STARD13: variants seen among roughly 807,000 people sequenced by gnomAD.
STARD13 encodes stAR-related lipid transfer protein 13.
STARD13 carries 62 observed loss-of-function variants against 106.4 expected under a neutral mutation model. That is an observed-to-expected ratio of 0.58 (90% CI 0.48 to 0.72). The LOEUF is 0.72. Ranked by LOEUF, STARD13 falls within the 30% of genes least tolerant of loss-of-function variation. The pLI is 0.00. For synonymous variants in STARD13, 565 were observed against 553.0 expected (o/e 1.02, Z -0.31); for missense variants, 1,387 against 1,424.0 (o/e 0.97, Z 0.42).
the STARD13 span, among the ~76,000 whole-genome samples, chr13:33,639,756 C>T: frequency 6.6e-6 from 1 of 152,238 alleles, no homozygotes; most frequent in Non-Finnish European, 1.5e-5. Flanking sequence ...AAAAGCCAAA[C>T]TGTAATCAAC....
chr13:33,543,986 A>G, the STARD13 span, among the ~76,000 whole-genome samples: 1 of 152,254 alleles, frequency 6.6e-6, no homozygotes, highest in Non-Finnish European at 1.5e-5. Context: ...AGAGAGCTAC[A>G]TAAATGTTCA....
At position 33,112,949 on chromosome 13, in the gene STARD13, C is replaced by T. The variant is rs370930866; in HGVS notation, c.2282-18G>A. 1.9e-6 allele frequency: 3 copies of T among 1,584,962 alleles called. No individual in the cohort carries two copies. The African/African-American group carries it at 4.1e-5, about 21-fold the overall frequency. On this transcript the variant is annotated intron_variant, in intron 8 of 13. Coordinates refer to ENST00000336934, the MANE Select transcript of STARD13 (RefSeq NM_178006.4). ...GGAGACATCTGAGGAAAAGTGGATG[C>T]CAGGTCATTGGAGGAGCAGACATAG...
chr13:33,463,626 C>T, the STARD13 span, among the ~76,000 whole-genome samples: 1 of 152,204 alleles, frequency 6.6e-6, no homozygotes, highest in Non-Finnish European at 1.5e-5. Context: ...CTATATAGAA[C>T]TCACTAGGGT....
the STARD13 span, among the ~76,000 whole-genome samples, chr13:33,409,899 T>C: frequency 2.6e-5 from 4 of 152,260 alleles, no homozygotes; most frequent in Non-Finnish European, 4.4e-5. Context: ...CTTTATGTTA[T>C]ACACAAATGT....
chr13:33,308,157 A>C (rs1892981685), intron 1 of STARD13, among the ~76,000 whole-genome samples: 1 of 152,238 alleles, frequency 6.6e-6, no homozygotes, highest in Non-Finnish European at 1.5e-5. Context: ...CAATTAAATC[A>C]TGGCTATCTC....
At chr13:33,116,917 C>G (rs990525290) in intron 8 of STARD13, among the ~76,000 whole-genome samples, 1 of 152,178 alleles carries the variant, frequency 6.6e-6, no homozygotes, top group African/African-American at 2.4e-5. Flanking sequence ...ATACAGAATT[C>G]TCTATAGCAT....
chr13:33,389,218 A>G, the STARD13 span, among the ~76,000 whole-genome samples: 1 of 151,974 alleles, frequency 6.6e-6, no homozygotes, highest in Non-Finnish European at 1.5e-5. Context: ...TTGGCCTCCC[A>G]AAGTGCTGGG....
intron 6 of STARD13, 46 bp from the exon 7 acceptor site, chr13:33,126,286 T>C (rs776849901): frequency 6.3e-7 from 1 of 1,595,122 alleles, no homozygotes; most frequent in Non-Finnish European, 8.6e-7. Context: ...TGGGTCACAC[T>C]GTGGGGTGAG....
At chr13:33,204,451 C>T (rs548622275) in intron 1 of STARD13, among the ~76,000 whole-genome samples, 6 of 152,234 alleles carry the variant, frequency 3.9e-5, no homozygotes, top group South Asian at 4.1e-4. Flanking sequence ...AAAGACAGTA[C>T]GACAAAATCT....
chr13:33,457,105 A>C, the STARD13 span, among the ~76,000 whole-genome samples: 1 of 152,230 alleles, frequency 6.6e-6, no homozygotes, highest in Admixed American at 6.5e-5. Context: ...TTTTAGGCTC[A>C]TGTTATTCCT....
intron 7 of STARD13, among the ~76,000 whole-genome samples, chr13:33,119,618 C>T (rs866637080): frequency 6.6e-5 from 10 of 152,068 alleles, no homozygotes; most frequent in East Asian, 1.9e-4. Flanking sequence ...ATATGTCAGC[C>T]GAATGGATCA....
chr13:33,469,271 CAACCCAGGA>C, the STARD13 span, among the ~76,000 whole-genome samples: 1 of 152,110 alleles, frequency 6.6e-6, no homozygotes, highest in East Asian at 1.9e-4. Context: ...AAGCAGCATC[CAACCCAGGA>C]TTACCTGATT....
At chr13:33,455,815 G>T in the STARD13 span, among the ~76,000 whole-genome samples, 2 of 151,950 alleles carry the variant, frequency 1.3e-5, no homozygotes, top group Admixed American at 1.3e-4. Context: ...ATGGTGGCGT[G>T]CATCTGTAGT....
chr13:33,580,882 C>G, the STARD13 span, among the ~76,000 whole-genome samples: 25 of 152,124 alleles, frequency 1.6e-4, no homozygotes, highest in African/African-American at 4.8e-4. Context: ...AAAAAAGTAT[C>G]AAAACTGTAA....
chr13:33,654,571 T>C, the STARD13 span: 17 of 152,206 alleles, frequency 1.1e-4, no homozygotes, highest in African/African-American at 3.6e-4. Flanking sequence ...GTTGGGAATA[T>C]ACTGAAACTA....
rs151132470 is a variant in STARD13 at position 33,110,917 on chromosome 13, C to T, written c.2608-10G>A. The T allele has an allele frequency of 3.7e-5, 60 of 1,610,088 alleles. No individual in the cohort carries two copies. The highest frequency in any genetic ancestry group is 1.5e-4 in the Admixed American group (9 of 60,022). On this transcript the variant is annotated splice_polypyrimidine_tract_variant and intron_variant, in intron 10 of 13. Transcript: ENST00000336934. ...CCAACTCGTGTGGAACCTAGACCAA[C>T]GGATGCATGAAAGGGCAACACACTG...
At chr13:33,309,805 G>A (rs1326552965) in intron 1 of STARD13, among the ~76,000 whole-genome samples, 1 of 152,182 alleles carries the variant, frequency 6.6e-6, no homozygotes, top group Non-Finnish European at 1.5e-5. Flanking sequence ...GTATGGTACA[G>A]AAAGAGTCTC....
the STARD13 span, among the ~76,000 whole-genome samples, chr13:33,402,625 C>T: frequency 6.6e-6 from 1 of 152,170 alleles, no homozygotes. Context: ...CTATCCTGTA[C>T]CCATATAAAT....
chr13:33,319,738 G>C (rs148737632), intron 1 of STARD13, among the ~76,000 whole-genome samples: 32 of 152,122 alleles, frequency 2.1e-4, no homozygotes, highest in Admixed American at 1.3e-4. Context: ...CAAAATAAGG[G>C]GTTGGACTCA....
Sources: allele counts gnomAD v4.1 joint callset (sites outside exome capture counted in the v4.1 genomes callset), GRCh38; gene constraint gnomAD v4.1.1; transcripts MANE v1.5; gene names NCBI Gene and HGNC (gene_info 2026-07-23, HGNC 2026-07-21).